The following HEXIM2 variants were observed in gnomAD, a reference collection of about 807,000 sequenced individuals.
HEXIM2 encodes HEXIM P-TEFb complex subunit 2.
For synonymous variants in HEXIM2, 159 were observed against 162.7 expected, an observed-to-expected ratio of 0.98 and a Z score of 0.17; for missense variants, 413 against 390.8, an observed-to-expected ratio of 1.06 and a Z score of -0.48.
chr17:45,168,148 T>C (rs952237850), intron 3 of HEXIM2, among the ~76,000 whole-genome samples: 6 of 148,928 alleles, frequency 4.0e-5, no homozygotes, highest in Admixed American at 1.3e-4. Flanking sequence ...CCTCCCAAAG[T>C]GCTGGGATTA....
intron 3 of HEXIM2, among the ~76,000 whole-genome samples, chr17:45,165,287 A>G (rs530238250): frequency 1.3e-5 from 2 of 152,186 alleles, no homozygotes; most frequent in South Asian, 4.2e-4. Context: ...CCACACACAT[A>G]CACACCCTGA....
Position 45,169,697 on chromosome 17 carries a change from A to T in HEXIM2, c.749A>T (p.Glu250Val). 1 of 1,530,354 alleles carries T rather than the reference A, an allele frequency of 6.5e-7. No individual in the cohort carries two copies. 94.8% of individuals were successfully genotyped at this position (1,530,354 alleles called of 1,614,324 possible). A position where few individuals can be genotyped will look rare whatever the true frequency, so the allele number is the denominator to read the frequency against. The change falls in exon 4 of 4, where the codon GAG becomes GTG. Residue 250 changes from glutamate to valine, a missense_variant. Coordinates refer to ENST00000589230, the MANE Select transcript of HEXIM2 (RefSeq NM_001303441.2). ...CTGQQSCRQV[E>V]ELAAEVQRLR... is the part of the protein sequence containing the mutation. ...GGCCAGCAGTCCTGCCGCCAGGTGG[A>T]GGAGCTGGCTGCCGAGGTCCAGAGG...
At position 45,169,464 on chromosome 17, in the gene HEXIM2, G is replaced by C; in HGVS notation, c.516G>C (p.Glu172Asp). ...HGISHPGSSGESEAGDSDGRG... is the reference protein window; with the variant it reads ...HGISHPGSSGDSEAGDSDGRG... ...TCTCCCACCCAGGTTCCAGTGGGGA[G>C]AGTGAGGCCGGGGACAGTGATGGGC... The change falls in exon 4 of 4, where the codon GAG becomes GAC. Residue 172 changes from glutamate (E) to aspartate (D), a missense_variant. Physicochemically the swap from Glu to Asp is conservative, Grantham distance 45 (BLOSUM62 2). Transcript: ENST00000589230. The C allele has an allele frequency of 6.2e-7, 1 of 1,613,894 alleles. No individual in the cohort carries two copies. Among genetic ancestry groups the C allele is most frequent in the Non-Finnish European group, 8.5e-7 (1 of 1,180,000 alleles).
At chr17:45,168,478 A>T (rs2042928436) in intron 3 of HEXIM2, among the ~76,000 whole-genome samples, 1 of 151,758 alleles carries the variant, frequency 6.6e-6, no homozygotes, top group East Asian at 2.0e-4. Context: ...CATCTCAAAA[A>T]ATGAAATAAA....
In HEXIM2 at chr17:45,169,162, C is replaced by A; in HGVS notation, c.214C>A (p.Pro72Thr). The A allele has an allele frequency of 1.2e-6, 2 of 1,613,766 alleles. No individual in the cohort carries two copies. The highest frequency in any genetic ancestry group is 1.7e-6 in the Non-Finnish European group (2 of 1,180,038). Residue 72 changes from proline to threonine, a missense_variant, in exon 4 of 4, where the codon CCC becomes ACC. Coordinates refer to ENST00000589230, the MANE Select transcript of HEXIM2 (RefSeq NM_001303441.2). Reference protein sequence around the residue: ...VGGLGWNSRSPRTQSPGGCSA... With the variant: ...VGGLGWNSRSTRTQSPGGCSA... Reference sequence around the variant, plus strand: ...TGGCCTGGGCTGGAACAGTAGGAGTCCCCGGACCCAGAGCCCAGGGGGCTG... The same window carrying A: ...TGGCCTGGGCTGGAACAGTAGGAGTACCCGGACCCAGAGCCCAGGGGGCTG...
chr17:45,165,305 C>T (rs145489597), intron 3 of HEXIM2, among the ~76,000 whole-genome samples: 25 of 152,300 alleles, frequency 1.6e-4, no homozygotes, highest in African/African-American at 5.8e-4. Flanking sequence ...TGACATACCT[C>T]CTTTTCCCTG....
intron 3 of HEXIM2, among the ~76,000 whole-genome samples, chr17:45,167,049 G>C (rs1219594274): frequency 1.7e-5 from 2 of 118,208 alleles, no homozygotes. Context: ...AAAAAGCCCA[G>C]GTGCAGTGGC....
intron 3 of HEXIM2, among the ~76,000 whole-genome samples, chr17:45,164,600 G>T (rs1018114505): frequency 6.6e-6 from 1 of 152,200 alleles, no homozygotes; most frequent in African/African-American, 2.4e-5. Flanking sequence ...TCATGCCACT[G>T]CACTCCAGCC....
At chr17:45,167,606 TAA>T (rs1236219810) in intron 3 of HEXIM2, among the ~76,000 whole-genome samples, 4 of 151,852 alleles carry the variant, frequency 2.6e-5, no homozygotes, top group Admixed American at 1.3e-4. Context: ...TCTCTAAAAA[TAA>T]GAGTCTTTTT....
In HEXIM2 at chr17:45,169,777, G is replaced by A. The variant is rs549304353; in HGVS notation, c.829G>A (p.Gly277Ser). The A allele has an allele frequency of 5.6e-5, 81 of 1,452,298 alleles. 3 individuals carry two copies. The South Asian group carries it at 1.1e-3, about 19-fold the overall frequency. 90.0% of individuals were successfully genotyped at this position (1,452,298 alleles called of 1,614,324 possible). ...GGAGAACCAGATGTGGAACCGAGAG[G>A]GCTGCCGCTGTGATGAGGAGCCGGG... ...RQENQMWNRE[G>S]CRCDEEPGT The change falls in exon 4 of 4, where the codon GGC becomes AGC. Residue 277 changes from glycine (G) to serine (S), a missense_variant. Coordinates refer to ENST00000589230, the MANE Select transcript of HEXIM2 (RefSeq NM_001303441.2).
intron 3 of HEXIM2, among the ~76,000 whole-genome samples, chr17:45,165,904 C>T (rs1287261832): frequency 6.6e-6 from 1 of 152,144 alleles, no homozygotes; most frequent in African/African-American, 2.4e-5. Flanking sequence ...AAGCGATTCT[C>T]CTACCTCAGC....
chr17:45,161,007 G>A (rs2042668180), upstream of HEXIM2: 3 of 1,238,970 alleles, frequency 2.4e-6, no homozygotes, highest in African/African-American at 3.1e-5. Context: ...GCCGACTTGT[G>A]GCCAGACCTG....
At chr17:45,162,447 C>T (rs572006682) in intron 1 of HEXIM2, 41 bp from the exon 2 acceptor site, 2 of 1,092,610 alleles carry the variant, frequency 1.8e-6, no homozygotes, top group African/African-American at 1.6e-5. Context: ...AAACTTACAC[C>T]TGGCTTCCTG....
Position 45,169,070 on chromosome 17 carries a change from GT to G in HEXIM2, c.124del (p.Ser42ProfsTer4). The G allele has an allele frequency of 6.2e-7, 1 of 1,614,056 alleles. No individual in the cohort carries two copies. Among genetic ancestry groups the G allele is most frequent in the Non-Finnish European group, 8.5e-7 (1 of 1,180,016 alleles). On this transcript the variant is annotated frameshift_variant, in exon 4 of 4. Transcript: ENST00000589230. LOFTEE classifies it low-confidence loss of function (END_TRUNC). ...CCCCCTGAGCGTCATGACTCTGGTG[GT>G]TCCCTGCCCCTGACACCGCGGATGG... is the stretch of plus-strand genomic sequence containing the variant. ...QTPPERHDSG[G>X]SLPLTPRMES...
chr17:45,168,744 C>T (rs556188969), intron 3 of HEXIM2: 2 of 425,082 alleles, frequency 4.7e-6, no homozygotes, highest in South Asian at 4.5e-5. Context: ...AACTCCTACT[C>T]AGTGCCAGGT....
Position 45,169,102 on chromosome 17 carries a change from C to T in HEXIM2, c.154C>T (p.His52Tyr). The change falls in exon 4 of 4, where the codon CAC becomes TAC. Residue 52 changes from histidine (H) to tyrosine (Y), a missense_variant. Coordinates refer to ENST00000589230, the MANE Select transcript of HEXIM2 (RefSeq NM_001303441.2). ...SLPLTPRMESHSEDEDLAGAV... is the reference protein window; with the variant it reads ...SLPLTPRMESYSEDEDLAGAV... ...GCCCCTGACACCGCGGATGGAGAGC[C>T]ACTCAGAGGATGAAGATCTTGCTGG... 13 of 1,614,080 alleles carry T rather than the reference C, an allele frequency of 8.1e-6. No individual in the cohort carries two copies. Among genetic ancestry groups the T allele is most frequent in the Non-Finnish European group, 1.0e-5 (12 of 1,180,030 alleles).
upstream of HEXIM2, chr17:45,160,616 C>T (rs137941780): frequency 2.5e-3 from 639 of 257,420 alleles, 5 homozygotes; most frequent in Middle Eastern, 0.013. Flanking sequence ...TTCGGAGCCG[C>T]AGCGACTCCG....
At position 45,161,921 on chromosome 17, in the gene HEXIM2, G is replaced by T; in HGVS notation, c.-303G>T. 1.0e-6 allele frequency: 1 copy of T among 985,604 alleles called. No homozygotes were observed. The highest frequency in any genetic ancestry group is 1.2e-6 in the Non-Finnish European group (1 of 830,060). The allele number at this position is 985,604 out of a possible 1,614,324, so 61.1% of individuals were successfully genotyped here. On this transcript the variant is annotated 5_prime_UTR_variant, in exon 1 of 4. Transcript: ENST00000589230. ...TGGCCTGAGCGGCTTGACCAGAGCT[G>T]CTGCAACTGCAGCAAGAGGTAGGGC... is the stretch of plus-strand genomic sequence containing the variant.
At position 45,169,597 on chromosome 17, in the gene HEXIM2, T is replaced by C. The variant is rs1228265861; in HGVS notation, c.649T>C (p.Tyr217His). The change falls in exon 4 of 4, where the codon TAC becomes CAC. Residue 217 changes from tyrosine (Y) to histidine (H), a missense_variant. By Grantham distance (83) the Tyr-to-His change is moderately conservative. Transcript: ENST00000589230. Reference sequence around the variant, plus strand: ...CAGCAAGCAGGAGCTGGTGCGAGACTACCTGGAGCTGGAGAAGCGGCTGTC... The same window carrying C: ...CAGCAAGCAGGAGCTGGTGCGAGACCACCTGGAGCTGGAGAAGCGGCTGTC... ...GRSKQELVRDYLELEKRLSQA... is the reference protein window; with the variant it reads ...GRSKQELVRDHLELEKRLSQA... 31 of 1,541,246 alleles carry C rather than the reference T, an allele frequency of 2.0e-5. No individual in the cohort carries two copies. The highest frequency in any genetic ancestry group is 2.7e-5 in the Non-Finnish European group (31 of 1,142,590).
Sources: allele counts gnomAD v4.1 joint callset (sites outside exome capture counted in the v4.1 genomes callset), GRCh38; gene constraint gnomAD v4.1.1; transcripts MANE v1.5; gene names NCBI Gene and HGNC (gene_info 2026-07-23, HGNC 2026-07-21).